Variants in PITPNM3 observed in about 807,000 individuals in gnomAD.
The protein encoded by PITPNM3 is PITPNM family member 3.
A neutral mutation model predicts 102.0 loss-of-function variants in PITPNM3; 26 were observed. The ratio of observed to expected loss-of-function variants is 0.25; its 90% CI spans 0.19 to 0.35. PITPNM3 has a LOEUF of 0.35. PITPNM3 is among the 10% of genes least tolerant of loss of function. The probability of loss-of-function intolerance (pLI) is 1.00; values close to 1 mark genes in which losing one functional copy is unlikely to be tolerated. For missense variants in PITPNM3, 1,083 were observed against 1,346.1 expected (o/e 0.80, Z 3.06); for synonymous variants, 578 against 558.6 (o/e 1.03, Z -0.49).
At chr17:6,512,282 T>C (rs1567682732) in intron 3 of PITPNM3, among the ~76,000 whole-genome samples, 1 of 152,170 alleles carries the variant, frequency 6.6e-6, no homozygotes, top group African/African-American at 2.4e-5. Flanking sequence ...TAAACAGACA[T>C]ATTCCTATCA....
chr17:6,554,974 C>A (rs1026714302), intron 1 of PITPNM3, among the ~76,000 whole-genome samples: 1 of 152,206 alleles, frequency 6.6e-6, no homozygotes, highest in Non-Finnish European at 1.5e-5. Flanking sequence ...CCAGTGCACA[C>A]ACACACTCAC....
Position 6,537,647 on chromosome 17 carries a change from C to A in PITPNM3, c.118+340G>T, listed in dbSNP as rs571246572. Reference sequence around the variant, plus strand: ...TAGCAGCGGCACTTTTACTTAGTGGCGATGGTCCCCATTCGTCATTGTATT... The same window carrying A: ...TAGCAGCGGCACTTTTACTTAGTGGAGATGGTCCCCATTCGTCATTGTATT... On this transcript the variant is annotated intron_variant, in intron 2 of 19. Coordinates refer to ENST00000262483, the MANE Select transcript of PITPNM3 (RefSeq NM_031220.4). The surrounding 1 kb of genome is among the most constrained non-coding windows in gnomAD (Gnocchi z 4.4). Among the ~76,000 whole-genome samples, 3 of 152,166 alleles carry A rather than the reference C, an allele frequency of 2.0e-5. No individual in the cohort carries two copies. The highest frequency in any genetic ancestry group is 7.2e-5 in the African/African-American group (3 of 41,434).
At chr17:6,520,670 A>G (rs1908456527) in intron 3 of PITPNM3, among the ~76,000 whole-genome samples, 1 of 152,258 alleles carries the variant, frequency 6.6e-6, no homozygotes, top group South Asian at 2.1e-4. Flanking sequence ...TTAAGAAATC[A>G]GGTGGATATT....
intron 5 of PITPNM3, 89 bp downstream of exon 5, chr17:6,484,127 A>G (rs1905925342): frequency 7.1e-7 from 1 of 1,399,144 alleles, no homozygotes; most frequent in Non-Finnish European, 1.0e-6. Flanking sequence ...GAAGAGCTGG[A>G]AGAAAACGAG....
At chr17:6,474,678 C>A in intron 9 of PITPNM3, 74 bp from the exon 10 acceptor site, 1 of 1,484,458 alleles carries the variant, frequency 6.7e-7, no homozygotes, top group South Asian at 1.2e-5. Flanking sequence ...CACACAGCAG[C>A]GCAGCCTGAA....
At chr17:6,539,386 T>A (rs1486176893) in intron 1 of PITPNM3, among the ~76,000 whole-genome samples, 1 of 152,066 alleles carries the variant, frequency 6.6e-6, no homozygotes, top group Admixed American at 6.6e-5. Flanking sequence ...AAAGAAATGA[T>A]TGGAAAGGAA....
rs535737954 is a variant in PITPNM3 at position 6,498,229 on chromosome 17, C to T, written c.274+5298G>A. Among the ~76,000 whole-genome samples the T allele has an allele frequency of 5.3e-5, 8 of 152,352 alleles. No homozygotes were observed. In the South Asian group the frequency reaches 1.7e-3, roughly 32 times the overall value. On this transcript the variant is annotated intron_variant, in intron 4 of 19. Transcript: ENST00000262483. ...CCAGAGGGACCCTGGTCCTTCCCAC[C>T]ATTTGCTGCAGAGGAACTGCTTCTG...
At chr17:6,532,450 A>G (rs1909195405) in intron 2 of PITPNM3, among the ~76,000 whole-genome samples, 1 of 152,086 alleles carries the variant, frequency 6.6e-6, no homozygotes, top group Non-Finnish European at 1.5e-5. Flanking sequence ...ACAAGGCTCC[A>G]TCCCTTCTAG....
At chr17:6,509,174 G>A (rs781180723) in intron 3 of PITPNM3, among the ~76,000 whole-genome samples, 8 of 152,170 alleles carry the variant, frequency 5.3e-5, no homozygotes, top group Non-Finnish European at 8.8e-5. Context: ...CTGGAAGGCT[G>A]AGCCACATCA....
At chr17:6,464,053 T>A in intron 16 of PITPNM3, 117 bp downstream of exon 16, 1 of 1,541,944 alleles carries the variant, frequency 6.5e-7, no homozygotes, top group Non-Finnish European at 8.9e-7. Flanking sequence ...CCTCTGTCCA[T>A]GCAGACAGAG....
At chr17:6,474,286 C>T (rs1349939512) in intron 10 of PITPNM3, 146 bp downstream of exon 10, 3 of 1,176,280 alleles carry the variant, frequency 2.6e-6, no homozygotes, top group Non-Finnish European at 3.6e-6. Context: ...TCCTCTTCCC[C>T]ACCCTCTCTC....
intron 10 of PITPNM3, chr17:6,473,056 A>C (rs1905138832): frequency 1.7e-6 from 1 of 590,212 alleles, no homozygotes; most frequent in Admixed American, 2.9e-5. Context: ...GCCCTTCCCC[A>C]ATCAGGCTTG....
At position 6,470,068 on chromosome 17, in the gene PITPNM3, T is replaced by A. The variant is rs569067672; in HGVS notation, c.1773+192A>T. ...ATGCCGTCAGCCACCCAGGAGCCAATGTCTTTATGAAGCCCATTCTCTGGT... is the reference window on the plus strand; with the variant it reads ...ATGCCGTCAGCCACCCAGGAGCCAAAGTCTTTATGAAGCCCATTCTCTGGT... On this transcript the variant is annotated intron_variant, in intron 13 of 19. Coordinates refer to ENST00000262483, the MANE Select transcript of PITPNM3 (RefSeq NM_031220.4). This position sits in a 1 kb window ranked among gnomAD's most constrained non-coding sequence, Gnocchi z 4.8. Among the ~76,000 whole-genome samples, 64 of 152,350 alleles carry A rather than the reference T, an allele frequency of 4.2e-4. No homozygotes were observed. The highest frequency in any genetic ancestry group is 1.5e-3 in the African/African-American group (63 of 41,578).
At chr17:6,553,197 T>C (rs994597638) in intron 1 of PITPNM3, among the ~76,000 whole-genome samples, 1 of 152,204 alleles carries the variant, frequency 6.6e-6, no homozygotes, top group Non-Finnish European at 1.5e-5. Flanking sequence ...GTACTGTAAA[T>C]TGTCCCTCCT....
chr17:6,466,799 A>G (rs1904794420), intron 14 of PITPNM3, among the ~76,000 whole-genome samples: 1 of 152,164 alleles, frequency 6.6e-6, no homozygotes, highest in Non-Finnish European at 1.5e-5. Flanking sequence ...AAACTTATAC[A>G]TGGACGTTCA....
chr17:6,551,164 T>C (rs1036995584), intron 1 of PITPNM3, among the ~76,000 whole-genome samples: 22 of 151,792 alleles, frequency 1.4e-4, no homozygotes, highest in African/African-American at 5.3e-4. Flanking sequence ...GAGACCATCC[T>C]GGCTAACACG....
chr17:6,463,912 A>G (rs1158223716), intron 16 of PITPNM3, 31 bp from the exon 17 acceptor site: 2 of 1,612,772 alleles, frequency 1.2e-6, no homozygotes, highest in Non-Finnish European at 1.7e-6. Context: ...GTCAGCCGTG[A>G]GGTCAGGGTC....
Position 6,478,526 on chromosome 17 carries a change from G to A in PITPNM3, c.777+21C>T. 2 of 1,613,154 alleles carry A rather than the reference G, an allele frequency of 1.2e-6. No homozygotes were observed. The highest frequency in any genetic ancestry group is 3.3e-4 in the Middle Eastern group (2 of 6,062). On this transcript the variant is annotated intron_variant, in intron 7 of 19. Transcript: ENST00000262483. The surrounding 1 kb of genome is among the most constrained non-coding windows in gnomAD (Gnocchi z 4.4). ...GGCCGGAACAGGGGAGGGGAGAGGA[G>A]GAGAGGGCAGGCTGTCCTACCTGCC... is the stretch of plus-strand genomic sequence containing the variant.
At chr17:6,464,119 A>C in intron 16 of PITPNM3, 51 bp downstream of exon 16, 1 of 1,612,764 alleles carries the variant, frequency 6.2e-7, no homozygotes, top group Non-Finnish European at 8.5e-7. Flanking sequence ...CCTGGCTGGA[A>C]GGGCCATAGA....
Sources: gnomAD v4.1 joint callset for allele counts (sites outside exome capture counted in the v4.1 genomes callset) on GRCh38, gnomAD v4.1.1 for gene constraint, Gnocchi (gnomAD v3.1) non-coding constraint, MANE v1.5 for transcripts, NCBI Gene and HGNC (gene_info 2026-07-23, HGNC 2026-07-21) for gene names.